The following SLC25A25 variants were observed in gnomAD, a reference collection of about 807,000 sequenced individuals.
SLC25A25 encodes the protein solute carrier family 25 member 25.
A neutral mutation model predicts 57.7 loss-of-function variants in SLC25A25; 32 were observed. The ratio of observed to expected loss-of-function variants is 0.55; its 90% CI spans 0.42 to 0.74. The LOEUF is 0.74. Ranked by LOEUF, SLC25A25 falls within the 30% of genes least tolerant of loss-of-function variation. The probability of loss-of-function intolerance (pLI) is 0.00; values close to 1 mark genes in which losing one functional copy is unlikely to be tolerated. For missense variants in SLC25A25, 556 were observed against 701.3 expected, an observed-to-expected ratio of 0.79 and a Z score of 2.34; for synonymous variants, 306 against 291.2, an observed-to-expected ratio of 1.05 and a Z score of -0.52.
At chr9:128,107,215 G>A (rs1305750953) in intron 10 of SLC25A25, 36 bp downstream of exon 10, 2 of 1,613,134 alleles carry the variant, frequency 1.2e-6, no homozygotes, top group Admixed American at 1.7e-5. Flanking sequence ...TGGGAGGTCG[G>A]GGGGAGCGGA....
intron 1 of SLC25A25, among the ~76,000 whole-genome samples, chr9:128,069,524 T>C (rs917500270): frequency 1.3e-5 from 2 of 152,156 alleles, no homozygotes; most frequent in Admixed American, 1.3e-4. Flanking sequence ...TTTGTACACA[T>C]GACAATTAGA....
intron 1 of SLC25A25, among the ~76,000 whole-genome samples, chr9:128,081,337 C>G (rs945558703): frequency 6.6e-6 from 1 of 152,212 alleles, no homozygotes; most frequent in African/African-American, 2.4e-5. Flanking sequence ...ATCCTGAGAT[C>G]TGTTTTCAGA....
At chr9:128,092,215 G>A (rs1486248846) in intron 1 of SLC25A25, 2 of 1,255,584 alleles carry the variant, frequency 1.6e-6, no homozygotes, top group Admixed American at 5.3e-5. Context: ...GGGAGAAGTG[G>A]TAGGCAATGA....
At position 128,101,091 on chromosome 9, in the gene SLC25A25, T is replaced by C; in HGVS notation, c.262-5T>C. ...AAAAGACAAAATGTTACCTTTCTTT[T>C]CTAGAAAATTGTACAAGCTGGAGAT... On this transcript the variant is annotated splice_region_variant and splice_polypyrimidine_tract_variant and intron_variant, in intron 1 of 10. Coordinates refer to ENST00000373069, the MANE Select transcript of SLC25A25 (RefSeq NM_001330988.2). The surrounding 1 kb of genome is among the most constrained non-coding windows in gnomAD (Gnocchi z 4.9). 6.2e-7 allele frequency: 1 copy of C among 1,614,054 alleles called. No individual in the cohort carries two copies. Among genetic ancestry groups the C allele is most frequent in the Non-Finnish European group, 8.5e-7 (1 of 1,180,002 alleles).
chr9:128,080,481 C>CTTT (rs11445322), intron 1 of SLC25A25, among the ~76,000 whole-genome samples: 3 of 141,828 alleles, frequency 2.1e-5, no homozygotes, highest in African/African-American at 5.2e-5. Flanking sequence ...CCTTGTTGGG[C>CTTT]TTTTTTTTTT....
rs529259064 is a variant in SLC25A25, at chr9:128,106,006, G to A, written c.936+125G>A. 17 of 1,534,368 alleles carry A rather than the reference G, an allele frequency of 1.1e-5. No individual in the cohort carries two copies. In the South Asian group the frequency reaches 1.9e-4, roughly 18 times the overall value. On this transcript the variant is annotated intron_variant, in intron 7 of 10. Coordinates refer to ENST00000373069, the MANE Select transcript of SLC25A25 (RefSeq NM_001330988.2). ...GCCGTGGTACCCCAGGGACAGCAGG[G>A]CGAGGCAGGAGGCCCAGGCTCACCA...
At chr9:128,084,598 C>A (rs1833235084) in intron 1 of SLC25A25, among the ~76,000 whole-genome samples, 1 of 63,162 alleles carries the variant, frequency 1.6e-5, no homozygotes, top group Non-Finnish European at 5.4e-5. Context: ...CGGGCTGAAC[C>A]AATGTGTACA....
rs201869990 is a variant in SLC25A25 at position 128,103,713 on chromosome 9, G to A, written c.657G>A (p.Pro219=). 2.4e-5 allele frequency: 38 copies of A among 1,614,192 alleles called. No individual in the cohort carries two copies. Among genetic ancestry groups the A allele is most frequent in the Middle Eastern group, 1.6e-4 (1 of 6,062 alleles). Reference sequence around the variant, plus strand: ...ATGTGGGTGAGAATCTAACGGTCCCGGATGAGTTCACAGTGGAGGAGAGGC... The same window carrying A: ...ATGTGGGTGAGAATCTAACGGTCCCAGATGAGTTCACAGTGGAGGAGAGGC... ...IFDVGENLTV[P]DEFTVEERQT... The change falls in exon 6 of 11, where the codon CCG becomes CCA. Residue 219 remains proline (P), a synonymous_variant. Transcript: ENST00000373069. The surrounding 1 kb of genome is among the most constrained non-coding windows in gnomAD (Gnocchi z 6.7).
rs148201710 is a variant in SLC25A25, at chr9:128,099,320, C to A, written c.262-1776C>A. 1 of 1,271,764 alleles carries A rather than the reference C, an allele frequency of 7.9e-7. No homozygotes were observed. Among genetic ancestry groups the A allele is most frequent in the Non-Finnish European group, 1.0e-6 (1 of 981,966 alleles). 78.8% of individuals were successfully genotyped at this position (1,271,764 alleles called of 1,614,324 possible). A position where few individuals can be genotyped will look rare whatever the true frequency, so the allele number is the denominator to read the frequency against. On this transcript the variant is annotated intron_variant, in intron 1 of 10. Coordinates refer to ENST00000373069, the MANE Select transcript of SLC25A25 (RefSeq NM_001330988.2). This position sits in a 1 kb window ranked among gnomAD's most constrained non-coding sequence, Gnocchi z 6.8. ...GGATTTGCAGATCCAAGGAAGGAGACAGAAGGAGGCCCAGGCCCTGTGAGG... is the reference window on the plus strand; with the variant it reads ...GGATTTGCAGATCCAAGGAAGGAGAAAGAAGGAGGCCCAGGCCCTGTGAGG...
intron 1 of SLC25A25, among the ~76,000 whole-genome samples, chr9:128,088,471 C>T (rs1336668184): frequency 1.3e-5 from 2 of 152,208 alleles, no homozygotes; most frequent in Admixed American, 6.5e-5. Context: ...CTGGCCTGGC[C>T]TCCCCAGCCT....
chr9:128,068,258 C>G lies in SLC25A25; in HGVS notation c.-62C>G. On this transcript the variant is annotated 5_prime_UTR_variant, in exon 1 of 11. Transcript: ENST00000373069. Reference sequence around the variant, plus strand: ...CAGAGCGCCTGGCTTGCCTCCCGCGCGGTCACCGCCGGCCCGCCGCCCCCG... The same window carrying G: ...CAGAGCGCCTGGCTTGCCTCCCGCGGGGTCACCGCCGGCCCGCCGCCCCCG... 2 of 996,944 alleles carry G rather than the reference C, an allele frequency of 2.0e-6. No individual in the cohort carries two copies. Among genetic ancestry groups the G allele is most frequent in the Middle Eastern group, 7.3e-4 (2 of 2,746 alleles). 61.8% of individuals were successfully genotyped at this position (996,944 alleles called of 1,614,324 possible).
chr9:128,106,492 A>G lies in SLC25A25; in HGVS notation c.1184A>G (p.Tyr395Cys). Residue 395 changes from tyrosine to cysteine, a missense_variant, in exon 9 of 11, where the codon TAT becomes TGT. By Grantham distance (194) the Tyr-to-Cys change is radical. Coordinates refer to ENST00000373069, the MANE Select transcript of SLC25A25 (RefSeq NM_001330988.2). ...YVPNMLGIIP[Y>C]AGIDLAVYET... is the part of the protein sequence containing the mutation. Reference sequence around the variant, plus strand: ...CCCAACATGCTGGGCATCATCCCCTATGCCGGCATCGACCTTGCAGTCTAC... The same window carrying G: ...CCCAACATGCTGGGCATCATCCCCTGTGCCGGCATCGACCTTGCAGTCTAC... 11 of 1,610,758 alleles carry G rather than the reference A, an allele frequency of 6.8e-6. No individual in the cohort carries two copies. Among genetic ancestry groups the G allele is most frequent in the South Asian group, 1.1e-5 (1 of 91,004 alleles).
At chr9:128,087,751 A>G (rs1475776573) in intron 1 of SLC25A25, among the ~76,000 whole-genome samples, 1 of 151,978 alleles carries the variant, frequency 6.6e-6, no homozygotes, top group Non-Finnish European at 1.5e-5. Flanking sequence ...TCTGTGTTTT[A>G]TTTTAGGAAG....
At position 128,106,448 on chromosome 9, in the gene SLC25A25, C is replaced by A. The variant is rs142900894; in HGVS notation, c.1140C>A (p.Ala380=). 6.2e-7 allele frequency: 1 copy of A among 1,613,486 alleles called. No homozygotes were observed. The highest frequency in any genetic ancestry group is 1.1e-5 in the South Asian group (1 of 91,080). ...TCCTGGCCAGAGAGGGGGTGGCCGC[C>A]TTCTACAAAGGCTATGTCCCCAACA... The part of the protein sequence containing the change: ...RRILAREGVA[A]FYKGYVPNML... Residue 380 remains alanine, a synonymous_variant, in exon 9 of 11, where the codon GCC becomes GCA. Coordinates refer to ENST00000373069, the MANE Select transcript of SLC25A25 (RefSeq NM_001330988.2).
Position 128,068,343 on chromosome 9 carries a change from CTG to C in SLC25A25, c.29_30del (p.Val10GlyfsTer85). 1 of 1,534,076 alleles carries C rather than the reference CTG, an allele frequency of 6.5e-7. No individual in the cohort carries two copies. On this transcript the variant is annotated frameshift_variant, in exon 1 of 11. Transcript: ENST00000373069. LOFTEE classifies it high-confidence loss of function. ...CGATGGTGAGCAGTGTGTTGTGCCGCTGTGTGGCCTCCCCGCCGCCGGACGCC... is the reference window on the plus strand; with the variant it reads ...CGATGGTGAGCAGTGTGTTGTGCCGCTGTGGCCTCCCCGCCGCCGGACGCC... MVSSVLCRCVASPPPDAAA... is the reference protein window; with the variant it reads MVSSVLCRXVASPPPDAAA...
intron 1 of SLC25A25, among the ~76,000 whole-genome samples, chr9:128,089,863 C>G (rs7871341): frequency 0.74 from 112,846 of 151,816 alleles, 43,746 homozygotes; most frequent in Non-Finnish European, 0.85. Context: ...TCAGACTCGT[C>G]GGCTCAGGCA....
Position 128,102,174 on chromosome 9 carries a change from G to A in SLC25A25, c.512+59G>A. On this transcript the variant is annotated intron_variant, in intron 4 of 10. Transcript: ENST00000373069. This position sits in a 1 kb window ranked among gnomAD's most constrained non-coding sequence, Gnocchi z 4.1. ...TGACTTCCATGCCTGATCAGAGCGGGATTCTTGTGGGCCATTATATTGCCA... is the reference window on the plus strand; with the variant it reads ...TGACTTCCATGCCTGATCAGAGCGGAATTCTTGTGGGCCATTATATTGCCA... 6.5e-7 allele frequency: 1 copy of A among 1,541,052 alleles called. No individual in the cohort carries two copies. Among genetic ancestry groups the A allele is most frequent in the Non-Finnish European group, 8.8e-7 (1 of 1,138,300 alleles).
intron 1 of SLC25A25, among the ~76,000 whole-genome samples, chr9:128,081,009 G>A (rs907374953): frequency 2.3e-4 from 35 of 152,172 alleles, no homozygotes; most frequent in African/African-American, 8.4e-4. Flanking sequence ...CACGACTTGG[G>A]TGTATTTTTT....
At chr9:128,080,349 C>CAAAAAAA (rs775059465) in intron 1 of SLC25A25, among the ~76,000 whole-genome samples, 1 of 108,660 alleles carries the variant, frequency 9.2e-6, no homozygotes, top group African/African-American at 4.0e-5. Flanking sequence ...GACTCCATCC[C>CAAAAAAA]AAAAAAAAAA....
Sources: gnomAD v4.1 joint callset for allele counts (sites outside exome capture counted in the v4.1 genomes callset) on GRCh38, gnomAD v4.1.1 for gene constraint, Gnocchi (gnomAD v3.1) non-coding constraint, MANE v1.5 for transcripts, NCBI Gene and HGNC (gene_info 2026-07-23, HGNC 2026-07-21) for gene names.